TTC27: variants seen among roughly 807,000 people sequenced by gnomAD.
TTC27 encodes the protein tetratricopeptide repeat domain 27.
TTC27 carries 79 observed loss-of-function variants against 115.9 expected under a neutral mutation model. That is an observed-to-expected ratio of 0.68 (90% confidence interval 0.57 to 0.82). The LOEUF (loss-of-function observed/expected upper bound fraction) is 0.82. Ranked by LOEUF, TTC27 falls within the 40% of genes least tolerant of loss-of-function variation. The pLI, the probability that TTC27 is intolerant of heterozygous loss-of-function variation, is 0.00. For missense variants in TTC27, 1,054 were observed against 993.1 expected, an observed-to-expected ratio of 1.06 and a Z score of -0.82; for synonymous variants, 401 against 356.0, an observed-to-expected ratio of 1.13 and a Z score of -1.42.
intron 13 of TTC27, among the ~76,000 whole-genome samples, chr2:32,765,143 A>C (rs752021649): frequency 6.6e-6 from 1 of 152,188 alleles, no homozygotes; most frequent in South Asian, 2.1e-4. Flanking sequence ...GCCCAGATCC[A>C]TCAGAGGAAT....
chr2:32,748,514 A>G (rs1341602070), intron 12 of TTC27, among the ~76,000 whole-genome samples: 2 of 152,236 alleles, frequency 1.3e-5, no homozygotes, highest in East Asian at 3.9e-4. Context: ...TTTAAAAGTT[A>G]GGTATTGACA....
intron 7 of TTC27, among the ~76,000 whole-genome samples, chr2:32,668,560 C>CCTTCCTCCCTCCCTCCCTCCCTCCCTT (rs1665881149): frequency 6.3e-5 from 1 of 15,994 alleles, no homozygotes; most frequent in African/African-American, 2.3e-4. Context: ...CTCCCTCCCT[C>CCTTCCTCCCTCCCTCCCTCCCTCCCTT]CCTTCCTTCC....
chr2:32,704,782 G>A (rs1667309998), intron 10 of TTC27: 13 of 449,248 alleles, frequency 2.9e-5, no homozygotes, highest in South Asian at 1.6e-4. Context: ...TTTGTCTGAT[G>A]TTTCCTCATG....
At chr2:32,712,537 GATCTA>G (rs1275428351) in intron 10 of TTC27, among the ~76,000 whole-genome samples, 2 of 151,818 alleles carry the variant, frequency 1.3e-5, no homozygotes, top group Admixed American at 1.3e-4. Context: ...TTCCGCATCT[GATCTA>G]AATTCTTTTT....
chr2:32,780,863 T>TG (rs1670152306), intron 14 of TTC27, among the ~76,000 whole-genome samples: 1 of 148,432 alleles, frequency 6.7e-6, no homozygotes, highest in African/African-American at 2.5e-5. Flanking sequence ...TTTTTTTTTT[T>TG]TGTGGACTCC....
intron 12 of TTC27, among the ~76,000 whole-genome samples, chr2:32,753,835 AGGCCGAGGT>A (rs1180258192): frequency 6.6e-6 from 1 of 152,050 alleles, no homozygotes; most frequent in Non-Finnish European, 1.5e-5. Flanking sequence ...ACACTCTGAG[AGGCCGAGGT>A]GGGCAGATCA....
chr2:32,698,599 C>G (rs1667076478), intron 9 of TTC27, among the ~76,000 whole-genome samples: 1 of 151,568 alleles, frequency 6.6e-6, no homozygotes, highest in South Asian at 2.1e-4. Context: ...CCTGCCTCAG[C>G]CTCCTGAGTA....
chr2:32,798,622 A>G (rs1213258639), intron 16 of TTC27, among the ~76,000 whole-genome samples: 2 of 140,372 alleles, frequency 1.4e-5, no homozygotes, highest in South Asian at 2.4e-4. Context: ...GGAGAATGGC[A>G]TGAACCCGGG....
At chr2:32,647,248 ATG>A (rs1452162558) in intron 4 of TTC27, among the ~76,000 whole-genome samples, 2 of 152,046 alleles carry the variant, frequency 1.3e-5, no homozygotes, top group African/African-American at 4.8e-5. Context: ...GCCTTGTATT[ATG>A]TGTTTTCTTA....
chr2:32,636,406 G>T (rs1664429382), intron 3 of TTC27, among the ~76,000 whole-genome samples: 1 of 152,088 alleles, frequency 6.6e-6, no homozygotes, highest in Non-Finnish European at 1.5e-5. Flanking sequence ...TAGAGACGGG[G>T]TTTCACCATG....
chr2:32,696,266 GTTTATTTTATTTTAT>G (rs144957414), intron 9 of TTC27, among the ~76,000 whole-genome samples: 2 of 150,430 alleles, frequency 1.3e-5, no homozygotes, highest in Non-Finnish European at 3.0e-5. Flanking sequence ...CCACATTTTT[GTTTATTTTATTTTAT>G]TTTATTTTAT....
intron 12 of TTC27, among the ~76,000 whole-genome samples, chr2:32,747,466 T>C (rs560463094): frequency 6.6e-6 from 1 of 152,332 alleles, no homozygotes; most frequent in East Asian, 1.9e-4. Context: ...TATTTTGTAA[T>C]AAAGTGTTCT....
At chr2:32,724,533 G>A (rs904476852) in intron 10 of TTC27, among the ~76,000 whole-genome samples, 1 of 152,002 alleles carries the variant, frequency 6.6e-6, no homozygotes, top group African/African-American at 2.4e-5. Context: ...CTTTGATGAA[G>A]CAGTAAATAT....
intron 13 of TTC27, among the ~76,000 whole-genome samples, chr2:32,776,442 C>G (rs1312732080): frequency 6.6e-6 from 1 of 152,074 alleles, no homozygotes; most frequent in Non-Finnish European, 1.5e-5. Context: ...CTAAACTGTC[C>G]AAGTAAATCT....
Position 32,630,390 on chromosome 2 carries a change from G to A in TTC27, c.89-133G>A, listed in dbSNP as rs1664135075. The A allele has an allele frequency of 6.4e-6, 4 of 627,528 alleles. No homozygotes were observed. The South Asian group carries it at 9.9e-5, about 16-fold the overall frequency. 38.9% of individuals were successfully genotyped at this position (627,528 alleles called of 1,614,324 possible). The stretch of plus-strand genomic sequence containing the variant: ...GAAATTTACTGAGTGCCTTGTGACT[G>A]ACATACAGTAATCATTCTAAGTCTA... On this transcript the variant is annotated intron_variant, in intron 1 of 19. Transcript: ENST00000317907.
intron 10 of TTC27, among the ~76,000 whole-genome samples, chr2:32,729,492 A>G (rs953519410): frequency 2.0e-5 from 3 of 152,114 alleles, no homozygotes; most frequent in African/African-American, 4.8e-5. Context: ...TTGTTATTGC[A>G]TGGGGTTAGG....
rs539229500 is a variant in TTC27 at position 32,666,100 on chromosome 2, T to A, written c.806-535T>A. On this transcript the variant is annotated intron_variant, in intron 6 of 19. Transcript: ENST00000317907. Reference sequence around the variant, plus strand: ...GAGTGGATGTTGGAACTTTTGCTTTTCTTAAAGTGGTTTGAAAACAGCTAT... The same window carrying A: ...GAGTGGATGTTGGAACTTTTGCTTTACTTAAAGTGGTTTGAAAACAGCTAT... 9.2e-5 allele frequency among the ~76,000 whole-genome samples: 14 copies of A among 152,276 alleles called. No individual in the cohort carries two copies. In the East Asian group the frequency reaches 2.3e-3, roughly 25 times the overall value.
intron 9 of TTC27, among the ~76,000 whole-genome samples, chr2:32,682,580 C>T (rs908079135): frequency 6.6e-6 from 1 of 152,058 alleles, no homozygotes; most frequent in African/African-American, 2.4e-5. Flanking sequence ...GCTCTAGCAG[C>T]AGCTTGGTGG....
At chr2:32,646,540 T>C (rs1313167228) in intron 4 of TTC27, among the ~76,000 whole-genome samples, 1 of 150,086 alleles carries the variant, frequency 6.7e-6, no homozygotes, top group Non-Finnish European at 1.5e-5. Context: ...AAAAATAGGC[T>C]ATGCTTTCTA....
Sources: allele counts gnomAD v4.1 joint callset (sites outside exome capture counted in the v4.1 genomes callset), GRCh38; gene constraint gnomAD v4.1.1; transcripts MANE v1.5; gene names NCBI Gene and HGNC (gene_info 2026-07-23, HGNC 2026-07-21).